Variants in UNC13C observed in about 807,000 individuals in gnomAD.
UNC13C encodes unc-13 homolog C, also known as protein unc-13 homolog C.
In UNC13C, 174 loss-of-function variants were observed where a neutral mutation model predicts 245.4. The ratio of observed to expected loss-of-function variants is 0.71; its 90% CI spans 0.63 to 0.80. The LOEUF (loss-of-function observed/expected upper bound fraction) is 0.80. Among genes scored for constraint, UNC13C ranks in the 30% least tolerant of loss-of-function variants. The probability of loss-of-function intolerance (pLI) is 0.00; values close to 1 mark genes in which losing one functional copy is unlikely to be tolerated. For synonymous variants in UNC13C, 992 were observed against 895.1 expected, an observed-to-expected ratio of 1.11 and a Z score of -1.93; for missense variants, 2,829 against 2,602.9, an observed-to-expected ratio of 1.09 and a Z score of -1.89.
chr15:53,890,803 T>A, the UNC13C span, among the ~76,000 whole-genome samples: 1 of 151,990 alleles, frequency 6.6e-6, no homozygotes, highest in Non-Finnish European at 1.5e-5. Context: ...TTTGACCTTT[T>A]AAAAAAACCA....
At chr15:54,296,255 C>A (rs1259178657) in intron 11 of UNC13C, among the ~76,000 whole-genome samples, 1 of 152,060 alleles carries the variant, frequency 6.6e-6, no homozygotes, top group Non-Finnish European at 1.5e-5. Flanking sequence ...GGCTGGAGGG[C>A]AGTGTCGCGA....
At chr15:54,176,923 T>C (rs2033635352) in intron 4 of UNC13C, among the ~76,000 whole-genome samples, 1 of 152,024 alleles carries the variant, frequency 6.6e-6, no homozygotes, top group Admixed American at 6.6e-5. Context: ...AAGGTGAAAA[T>C]AGATTAATAT....
intron 4 of UNC13C, among the ~76,000 whole-genome samples, chr15:54,195,668 C>T (rs753142042): frequency 3.0e-4 from 45 of 152,128 alleles, no homozygotes; most frequent in Non-Finnish European, 4.6e-4. Flanking sequence ...TCTCTATACT[C>T]TTACAGATCA....
At chr15:53,880,696 CT>C in the UNC13C span, among the ~76,000 whole-genome samples, 295 of 141,378 alleles carry the variant, frequency 2.1e-3, no homozygotes, top group East Asian at 9.3e-3. Flanking sequence ...GCTTTGTCAT[CT>C]TTTTTTTTTT....
Position 54,135,507 on chromosome 15 carries a change from C to A in UNC13C, c.2984-7511C>A, listed in dbSNP as rs79183160. On this transcript the variant is annotated intron_variant, in intron 2 of 32. Transcript: ENST00000260323. ...TATAAAATAAGGATCCAATTGTATT[C>A]TTTTACATGTGGATATCTCATTTTT... 4.5e-3 allele frequency among the ~76,000 whole-genome samples: 685 copies of A among 152,258 alleles called. 40 individuals are homozygous for A. In the East Asian group the frequency reaches 0.085, roughly 19 times the overall value.
At chr15:54,290,479 T>C (rs145964765) in intron 10 of UNC13C, among the ~76,000 whole-genome samples, 126 of 152,220 alleles carry the variant, frequency 8.3e-4, no homozygotes, top group Non-Finnish European at 1.5e-3. Flanking sequence ...AGTACACTTA[T>C]ACAAGGAACA....
chr15:54,069,431 C>T (rs1160501322), intron 2 of UNC13C, among the ~76,000 whole-genome samples: 1 of 152,150 alleles, frequency 6.6e-6, no homozygotes, highest in African/African-American at 2.4e-5. Context: ...AATCCTGACC[C>T]ACTGTCCATG....
At position 54,282,120 on chromosome 15, in the gene UNC13C, C is replaced by T. The variant is rs1326069647; in HGVS notation, c.3819-11775C>T. On this transcript the variant is annotated intron_variant, in intron 10 of 32. Transcript: ENST00000260323. ...GTATTATGAATAATGTTGCTTGAGC[C>T]CTTAATCTTAACCAGTATTCTGAAC... Among the ~76,000 whole-genome samples, 11 of 152,098 alleles carry T rather than the reference C, an allele frequency of 7.2e-5. No homozygotes were observed. In the East Asian group the frequency reaches 2.1e-3, roughly 29 times the overall value.
chr15:53,905,218 A>G, the UNC13C span, among the ~76,000 whole-genome samples: 1 of 152,152 alleles, frequency 6.6e-6, no homozygotes, highest in Non-Finnish European at 1.5e-5. Flanking sequence ...AGTCAAAGGA[A>G]ATGAAAACAG....
chr15:53,891,231 T>C, the UNC13C span, among the ~76,000 whole-genome samples: 1 of 152,194 alleles, frequency 6.6e-6, no homozygotes, highest in Non-Finnish European at 1.5e-5. Context: ...TGAGAGACTG[T>C]TTGTTATGAT....
rs528882849 is a variant in UNC13C, at chr15:54,449,493, TA to T, written c.4933+34429del. ...TTGTTTCGTTTTCTTCTTTTTTCTC[TA>T]AACTTCTCTTCTCGCTTCATTTAAT... is the stretch of plus-strand genomic sequence containing the variant. On this transcript the variant is annotated intron_variant, in intron 19 of 32. Coordinates refer to ENST00000260323, the MANE Select transcript of UNC13C (RefSeq NM_001080534.3). Among the ~76,000 whole-genome samples the T allele has an allele frequency of 2.4e-4, 36 of 152,340 alleles. No individual in the cohort carries two copies. In the South Asian group the frequency reaches 7.5e-3, roughly 32 times the overall value.
At chr15:54,191,305 G>A (rs1217352351) in intron 4 of UNC13C, among the ~76,000 whole-genome samples, 2 of 152,082 alleles carry the variant, frequency 1.3e-5, no homozygotes, top group South Asian at 2.1e-4. Flanking sequence ...GCAGTGTTTG[G>A]TTTTCTGTTG....
intron 14 of UNC13C, among the ~76,000 whole-genome samples, chr15:54,324,374 C>T (rs28669135): frequency 0.065 from 9,827 of 152,066 alleles, 921 homozygotes; most frequent in African/African-American, 0.2. Flanking sequence ...AAAAAGCTTT[C>T]TTACCTATGA....
intron 17 of UNC13C, among the ~76,000 whole-genome samples, chr15:54,339,692 G>T (rs1048276831): frequency 6.6e-6 from 1 of 150,912 alleles, no homozygotes; most frequent in Admixed American, 6.6e-5. Flanking sequence ...CTCGTTGATT[G>T]ATGGGCATTT....
intron 22 of UNC13C, among the ~76,000 whole-genome samples, chr15:54,504,392 C>G (rs1474060235): frequency 6.6e-6 from 1 of 152,070 alleles, no homozygotes; most frequent in East Asian, 1.9e-4. Context: ...TTCTTCACAA[C>G]CATCTAATTA....
At chr15:54,236,232 T>C (rs531548530) in intron 5 of UNC13C, among the ~76,000 whole-genome samples, 198 bp from the exon 6 acceptor site, 1 of 152,190 alleles carries the variant, frequency 6.6e-6, no homozygotes, top group Non-Finnish European at 1.5e-5. Context: ...ACCACTTTGG[T>C]TTTAAAATAT....
intron 4 of UNC13C, among the ~76,000 whole-genome samples, chr15:54,233,745 G>A (rs1040573758): frequency 4.6e-5 from 7 of 152,056 alleles, no homozygotes; most frequent in South Asian, 2.1e-4. Context: ...CTCTGCTGAC[G>A]GAAAACTGGA....
chr15:54,309,634 T>A (rs534186398), intron 13 of UNC13C, among the ~76,000 whole-genome samples: 3 of 151,904 alleles, frequency 2.0e-5, no homozygotes, highest in Non-Finnish European at 4.4e-5. Context: ...TTTATAGTTT[T>A]GGGTCTTACA....
intron 2 of UNC13C, among the ~76,000 whole-genome samples, chr15:54,045,578 A>G (rs572159553): frequency 1.3e-5 from 2 of 152,126 alleles, no homozygotes; most frequent in South Asian, 2.1e-4. Flanking sequence ...TTTTCCTGCC[A>G]CTCTAGATGA....
Sources: gnomAD v4.1 joint callset for allele counts (sites outside exome capture counted in the v4.1 genomes callset) on GRCh38, gnomAD v4.1.1 for gene constraint, MANE v1.5 for transcripts, NCBI Gene and HGNC (gene_info 2026-07-23, HGNC 2026-07-21) for gene names.